DPYSL5: variants seen among roughly 807,000 people sequenced by gnomAD.
DPYSL5 encodes dihydropyrimidinase like 5.
A neutral mutation model predicts 58.4 loss-of-function variants in DPYSL5; 9 were observed. The observed-to-expected ratio is 0.15, with a 90% confidence interval of 0.09 to 0.27. The LOEUF (loss-of-function observed/expected upper bound fraction) is 0.27. DPYSL5 is among the 10% of genes least tolerant of loss of function. The pLI is 1.00. For missense variants in DPYSL5, 499 were observed against 770.6 expected, an observed-to-expected ratio of 0.65 and a Z score of 4.17; for synonymous variants, 293 against 301.9, an observed-to-expected ratio of 0.97 and a Z score of 0.31.
chr2:26,944,866 A>G lies in DPYSL5; in HGVS notation c.1609+42A>G. On this transcript the variant is annotated intron_variant, in intron 12 of 12. Coordinates refer to ENST00000288699, the MANE Select transcript of DPYSL5 (RefSeq NM_020134.4). The surrounding 1 kb of genome is among the most constrained non-coding windows in gnomAD (Gnocchi z 4.4). ...CACGGGAGGAGGATGGGGGTCTGGGAGAAGTGGCCCACCTAGGCAGTGGGA... is the reference window on the plus strand; with the variant it reads ...CACGGGAGGAGGATGGGGGTCTGGGGGAAGTGGCCCACCTAGGCAGTGGGA... 6.3e-7 allele frequency: 1 copy of G among 1,597,248 alleles called. No homozygotes were observed.
At chr2:26,929,211 G>A (rs1664910673) in intron 5 of DPYSL5, among the ~76,000 whole-genome samples, 1 of 152,070 alleles carries the variant, frequency 6.6e-6, no homozygotes. Flanking sequence ...ATGATCTGAG[G>A]TGGAACAGTT....
chr2:26,892,793 G>A (rs1005779234), intron 1 of DPYSL5, among the ~76,000 whole-genome samples: 4 of 147,710 alleles, frequency 2.7e-5, no homozygotes, highest in Non-Finnish European at 6.0e-5. Context: ...GAGAGAGAGA[G>A]AATGCATCTC....
chr2:26,942,539 C>G lies in DPYSL5; in HGVS notation c.1233-4C>G. Reference sequence around the variant, plus strand: ...TTTCTCTCCCGCCATTGCCTCCCCACCAGGACCATCTCAGCCAGCACGCAG... The same window carrying G: ...TTTCTCTCCCGCCATTGCCTCCCCAGCAGGACCATCTCAGCCAGCACGCAG... On this transcript the variant is annotated splice_region_variant and splice_polypyrimidine_tract_variant and intron_variant, in intron 10 of 12. Transcript: ENST00000288699. This position sits in a 1 kb window ranked among gnomAD's most constrained non-coding sequence, Gnocchi z 5.9. 1.9e-6 allele frequency: 3 copies of G among 1,613,462 alleles called. No individual in the cohort carries two copies. The highest frequency in any genetic ancestry group is 2.5e-6 in the Non-Finnish European group (3 of 1,179,720).
chr2:26,931,203 GTATATATATA>G (rs373034710), intron 5 of DPYSL5, among the ~76,000 whole-genome samples: 2 of 44,910 alleles, frequency 4.5e-5, no homozygotes, highest in Non-Finnish European at 8.5e-5. Flanking sequence ...GTGTGTGTGT[GTATATATATA>G]TATATATATA....
intron 6 of DPYSL5, among the ~76,000 whole-genome samples, chr2:26,932,103 G>GA (rs1665017386): frequency 9.5e-6 from 1 of 104,968 alleles, no homozygotes; most frequent in Non-Finnish European, 2.0e-5. Flanking sequence ...GAAAGAGAAA[G>GA]AAAGAAAAGA....
Position 26,882,457 on chromosome 2 carries a change from A to G in DPYSL5, c.-4-16039A>G, listed in dbSNP as rs868263982. Among the ~76,000 whole-genome samples, 464 of 121,458 alleles carry G rather than the reference A, an allele frequency of 3.8e-3. 1 individual carries two copies. The highest frequency in any genetic ancestry group is 0.013 in the African/African-American group (410 of 32,270). 79.7% of individuals were successfully genotyped at this position (121,458 alleles called of 152,430 possible). On this transcript the variant is annotated intron_variant, in intron 1 of 12. Coordinates refer to ENST00000288699, the MANE Select transcript of DPYSL5 (RefSeq NM_020134.4). Reference sequence around the variant, plus strand: ...TGTGTGTGTGTGTGTGTGTGTGTGTATGTGTGTGTAGACAGGGTGTCACTA... The same window carrying G: ...TGTGTGTGTGTGTGTGTGTGTGTGTGTGTGTGTGTAGACAGGGTGTCACTA...
At chr2:26,861,903 A>G (rs540305449) in intron 1 of DPYSL5, among the ~76,000 whole-genome samples, 1 of 152,210 alleles carries the variant, frequency 6.6e-6, no homozygotes, top group South Asian at 2.1e-4. Flanking sequence ...CTTGCTAGCA[A>G]ACTCCTTTTG....
chr2:26,856,711 A>G (rs903008437), intron 1 of DPYSL5, among the ~76,000 whole-genome samples: 2 of 138,480 alleles, frequency 1.4e-5, no homozygotes, highest in African/African-American at 6.5e-5. Context: ...ATTAATGGAG[A>G]AATTAAAAAA....
intron 5 of DPYSL5, among the ~76,000 whole-genome samples, chr2:26,929,638 C>A (rs1420979719): frequency 1.3e-5 from 2 of 152,226 alleles, no homozygotes; most frequent in Non-Finnish European, 2.9e-5. Context: ...GAAACCGGTC[C>A]CTGGTGCCAA....
At chr2:26,899,089 A>C (rs757493937) in intron 2 of DPYSL5, among the ~76,000 whole-genome samples, 25 of 152,210 alleles carry the variant, frequency 1.6e-4, no homozygotes, top group Non-Finnish European at 2.9e-4. Context: ...TTTGTTATTA[A>C]GTAGGGGAGT....
chr2:26,941,645 C>T (rs374732440), intron 9 of DPYSL5, among the ~76,000 whole-genome samples: 1 of 152,196 alleles, frequency 6.6e-6, no homozygotes, highest in Non-Finnish European at 1.5e-5. Context: ...CTGACTCATC[C>T]GTGTGGGCAC....
Position 26,924,056 on chromosome 2 carries a change from C to T in DPYSL5, c.262-831C>T, listed in dbSNP as rs1664766147. ...GCTAGTTTTGGAACTTCACAGAAGTCCCCTGATGAAATTCACTTTTAAAAA... is the reference window on the plus strand; with the variant it reads ...GCTAGTTTTGGAACTTCACAGAAGTTCCCTGATGAAATTCACTTTTAAAAA... On this transcript the variant is annotated intron_variant, in intron 2 of 12. Coordinates refer to ENST00000288699, the MANE Select transcript of DPYSL5 (RefSeq NM_020134.4). The surrounding 1 kb of genome is among the most constrained non-coding windows in gnomAD (Gnocchi z 4.7). Among the ~76,000 whole-genome samples, 1 of 152,206 alleles carries T rather than the reference C, an allele frequency of 6.6e-6. No homozygotes were observed. Among genetic ancestry groups the T allele is most frequent in the South Asian group, 2.1e-4 (1 of 4,832 alleles).
At chr2:26,945,308 T>TTTC (rs1665443995) in intron 12 of DPYSL5, among the ~76,000 whole-genome samples, 2 of 151,010 alleles carry the variant, frequency 1.3e-5, no homozygotes, top group African/African-American at 4.9e-5. Context: ...CACCTTCTTT[T>TTTC]TTTTTTTTTT....
At chr2:26,857,146 C>G (rs1292561212) in intron 1 of DPYSL5, among the ~76,000 whole-genome samples, 1 of 151,854 alleles carries the variant, frequency 6.6e-6, no homozygotes, top group East Asian at 1.9e-4. Context: ...TCCTGACAGC[C>G]TTGGGCAAGA....
chr2:26,892,756 T>A (rs1253172205), intron 1 of DPYSL5, among the ~76,000 whole-genome samples: 1 of 138,740 alleles, frequency 7.2e-6, no homozygotes, highest in Non-Finnish European at 1.6e-5. Flanking sequence ...TGGGTTTGTT[T>A]GAGAGAGAGA....
intron 1 of DPYSL5, among the ~76,000 whole-genome samples, chr2:26,881,712 T>C (rs1421265496): frequency 6.6e-6 from 1 of 152,168 alleles, no homozygotes; most frequent in Non-Finnish European, 1.5e-5. Flanking sequence ...AGTACAAGTA[T>C]CTGGTGCCTC....
In DPYSL5 at chr2:26,933,176, G is replaced by A. The variant is rs143866892; in HGVS notation, c.715-82G>A. 215 of 1,313,664 alleles carry A rather than the reference G, an allele frequency of 1.6e-4. No individual in the cohort carries two copies. In the African/African-American group the frequency reaches 2.5e-3, roughly 15 times the overall value. The allele number at this position is 1,313,664 out of a possible 1,614,324, so 81.4% of individuals were successfully genotyped here. On this transcript the variant is annotated intron_variant, in intron 6 of 12. Transcript: ENST00000288699. This position sits in a 1 kb window ranked among gnomAD's most constrained non-coding sequence, Gnocchi z 4.2. ...ACGCAGGGGGAGGCGCTGGTGCCAG[G>A]GCTGACTTTGCCAGGGTTATTCTGA... is the stretch of plus-strand genomic sequence containing the variant.
At chr2:26,867,068 C>T (rs1383645578) in intron 1 of DPYSL5, among the ~76,000 whole-genome samples, 1 of 152,058 alleles carries the variant, frequency 6.6e-6, no homozygotes, top group East Asian at 1.9e-4. Flanking sequence ...TCATCATCTC[C>T]TACTAAACAC....
At chr2:26,917,429 A>G (rs1050972222) in intron 2 of DPYSL5, among the ~76,000 whole-genome samples, 1 of 152,034 alleles carries the variant, frequency 6.6e-6, no homozygotes, top group South Asian at 2.1e-4. Context: ...GTTTGTAGCC[A>G]GAGGGACAGA....
Sources: allele counts gnomAD v4.1 joint callset (sites outside exome capture counted in the v4.1 genomes callset), GRCh38; gene constraint gnomAD v4.1.1; non-coding constraint Gnocchi (gnomAD v3.1); transcripts MANE v1.5; gene names NCBI Gene and HGNC (gene_info 2026-07-23, HGNC 2026-07-21).